Variants in ADCY9 observed in about 807,000 individuals in gnomAD.
ADCY9 encodes adenylate cyclase type 9.
Under a neutral mutation model 101.5 loss-of-function variants are expected in ADCY9, and 50 were observed. That is an observed-to-expected ratio of 0.49 (90% CI 0.39 to 0.62). ADCY9 has a LOEUF of 0.62. ADCY9 is among the 20% of genes least tolerant of loss of function. ADCY9 has a pLI of 0.00. For missense variants in ADCY9, 1,662 were observed against 1,800.4 expected, an observed-to-expected ratio of 0.92 and a Z score of 1.39; for synonymous variants, 905 against 769.3, an observed-to-expected ratio of 1.18 and a Z score of -2.92.
chr16:4,047,053 A>G (rs1397764644), intron 2 of ADCY9, among the ~76,000 whole-genome samples: 1 of 152,164 alleles, frequency 6.6e-6, no homozygotes, highest in Non-Finnish European at 1.5e-5. Context: ...CACAAAAAAG[A>G]TTTGTACATA....
intron 6 of ADCY9, among the ~76,000 whole-genome samples, chr16:3,985,583 C>G (rs536469599): frequency 6.6e-6 from 1 of 152,168 alleles, no homozygotes; most frequent in African/African-American, 2.4e-5. Flanking sequence ...CCTGAGACAT[C>G]ACTGCCTTGC....
intron 2 of ADCY9, among the ~76,000 whole-genome samples, chr16:4,062,321 A>G (rs969454634): frequency 1.3e-5 from 2 of 152,234 alleles, no homozygotes; most frequent in Middle Eastern, 3.2e-3. Flanking sequence ...AGAAAACAGT[A>G]AGGAGAAACA....
intron 10 of ADCY9, among the ~76,000 whole-genome samples, chr16:3,973,561 C>T (rs947866335): frequency 6.6e-6 from 1 of 152,022 alleles, no homozygotes; most frequent in Non-Finnish European, 1.5e-5. Flanking sequence ...TGCAAGGACA[C>T]CATCACAGCT....
chr16:4,016,372 T>C (rs1053932567), intron 2 of ADCY9, among the ~76,000 whole-genome samples: 33 of 152,264 alleles, frequency 2.2e-4, no homozygotes, highest in Admixed American at 6.5e-4. Flanking sequence ...CACCAGCTGA[T>C]CACCTTTTAT....
chr16:3,991,174 T>C (rs73508329), intron 5 of ADCY9, among the ~76,000 whole-genome samples: 3,190 of 152,336 alleles, frequency 0.021, 98 homozygotes, highest in African/African-American at 0.073. Context: ...TAGGGAATTC[T>C]GATGGGGAAT....
intron 2 of ADCY9, among the ~76,000 whole-genome samples, chr16:4,036,462 G>GTTTTTTTTTTTT (rs59816813): frequency 4.8e-5 from 5 of 103,680 alleles, no homozygotes; most frequent in African/African-American, 1.6e-4. Context: ...GGGTTTGTTT[G>GTTTTTTTTTTTT]TTTTTTTTTT....
At position 3,992,533 on chromosome 16, in the gene ADCY9, T is replaced by C. The variant is rs542323742; in HGVS notation, c.1990-170A>G. 6.6e-6 allele frequency among the ~76,000 whole-genome samples: 1 copy of C among 152,186 alleles called. No homozygotes were observed. The highest frequency in any genetic ancestry group is 6.5e-5 in the Admixed American group (1 of 15,292). On this transcript the variant is annotated intron_variant, in intron 4 of 10. Coordinates refer to ENST00000294016, the MANE Select transcript of ADCY9 (RefSeq NM_001116.4). This position sits in a 1 kb window ranked among gnomAD's most constrained non-coding sequence, Gnocchi z 4.2. ...CCCTGCGCCTACAGACCTGCTCCAA[T>C]CCCAGCCCTGACTGCCCGTCTGCTC...
At chr16:4,002,926 G>A (rs1461107988) in intron 3 of ADCY9, among the ~76,000 whole-genome samples, 2 of 152,188 alleles carry the variant, frequency 1.3e-5, no homozygotes, top group African/African-American at 4.8e-5. Flanking sequence ...ATGTTGGCCA[G>A]GCTGGCCTTG....
chr16:3,993,757 G>A (rs2056266140), intron 3 of ADCY9, among the ~76,000 whole-genome samples: 1 of 152,150 alleles, frequency 6.6e-6, no homozygotes, highest in African/African-American at 2.4e-5. Flanking sequence ...ACTGAACAAT[G>A]GATCAACAAA....
At chr16:4,021,096 T>C (rs1412415426) in intron 2 of ADCY9, among the ~76,000 whole-genome samples, 1 of 152,214 alleles carries the variant, frequency 6.6e-6, no homozygotes, top group Non-Finnish European at 1.5e-5. Context: ...TTATATACTA[T>C]AAATTTTACT....
chr16:3,956,589 C>T (rs1041295932), intron 5 of ADCY9, among the ~76,000 whole-genome samples: 1 of 144,390 alleles, frequency 6.9e-6, no homozygotes, highest in African/African-American at 2.6e-5. Flanking sequence ...CTCCCAGGTT[C>T]AAGCGATTCT....
At chr16:4,052,293 G>A (rs868293384) in intron 2 of ADCY9, among the ~76,000 whole-genome samples, 2 of 152,204 alleles carry the variant, frequency 1.3e-5, no homozygotes, top group African/African-American at 2.4e-5. Flanking sequence ...GGCGGGCTCC[G>A]GGGCCTCTGC....
chr16:3,996,100 C>T (rs2056284527), intron 3 of ADCY9, among the ~76,000 whole-genome samples: 2 of 152,186 alleles, frequency 1.3e-5, no homozygotes, highest in Non-Finnish European at 2.9e-5. Context: ...CTGGCTCACA[C>T]CTGTAATCCC....
chr16:4,044,388 A>G (rs1024747809), intron 2 of ADCY9, among the ~76,000 whole-genome samples: 6 of 152,110 alleles, frequency 3.9e-5, no homozygotes, highest in Non-Finnish European at 8.8e-5. Flanking sequence ...AAAATTCTAA[A>G]ACACTAGGTT....
rs796492717 is a variant in ADCY9, at chr16:4,045,819, C to T, written c.1694-38261G>A. Among the ~76,000 whole-genome samples, 16 of 150,808 alleles carry T rather than the reference C, an allele frequency of 1.1e-4. No individual in the cohort carries two copies. In the South Asian group the frequency reaches 1.9e-3, roughly 18 times the overall value. ...GCTCAAGTGATCCTTTCACCTCAGC[C>T]GCCCGAGTAGCTGGGACTACAGACA... is the stretch of plus-strand genomic sequence containing the variant. On this transcript the variant is annotated intron_variant, in intron 2 of 10. Coordinates refer to ENST00000294016, the MANE Select transcript of ADCY9 (RefSeq NM_001116.4).
chr16:4,089,950 C>A (rs2056963026), intron 2 of ADCY9, among the ~76,000 whole-genome samples: 1 of 152,084 alleles, frequency 6.6e-6, no homozygotes, highest in Non-Finnish European at 1.5e-5. Context: ...TACCCACAGG[C>A]TTGAATTACA....
rs1220885079 is a variant in ADCY9, at chr16:3,956,863, A to G, written c.568-3347T>C. Among the ~76,000 whole-genome samples the G allele has an allele frequency of 4.6e-5, 7 of 152,146 alleles. 1 individual carries two copies. The East Asian group carries it at 1.4e-3, about 29-fold the overall frequency. ...TTGCCTCTCCCCTATGACCATTTGG[A>G]TAATTTGGTTACTCTGTAGACACCG... On this transcript the variant is annotated intron_variant, in intron 5 of 5. Transcript: ENST00000576936.
chr16:3,980,568 C>T (rs2056132757), intron 7 of ADCY9, among the ~76,000 whole-genome samples: 2 of 152,184 alleles, frequency 1.3e-5, no homozygotes, highest in Admixed American at 1.3e-4. Flanking sequence ...CCGCCCCCAG[C>T]CTTCGGGCCT....
At chr16:4,085,617 T>A (rs1178239425) in intron 2 of ADCY9, among the ~76,000 whole-genome samples, 1 of 152,072 alleles carries the variant, frequency 6.6e-6, no homozygotes, top group Admixed American at 6.6e-5. Flanking sequence ...CCTGACTGGT[T>A]ACATGGAAGT....
Sources: allele counts gnomAD v4.1 joint callset (sites outside exome capture counted in the v4.1 genomes callset), GRCh38; gene constraint gnomAD v4.1.1; non-coding constraint Gnocchi (gnomAD v3.1); transcripts MANE v1.5; gene names NCBI Gene and HGNC (gene_info 2026-07-23, HGNC 2026-07-21).